The following SH3D19 variants were observed in gnomAD, a reference collection of about 807,000 sequenced individuals.
SH3D19 encodes the protein SH3 domain-containing protein 19.
Under a neutral mutation model 112.1 loss-of-function variants are expected in SH3D19, and 58 were observed. The ratio of observed to expected loss-of-function variants is 0.52; its 90% CI spans 0.42 to 0.64. The LOEUF is 0.64. Among genes scored for constraint, SH3D19 ranks in the 30% least tolerant of loss-of-function variants. The pLI, the probability that SH3D19 is intolerant of heterozygous loss-of-function variation, is 0.00. For synonymous variants in SH3D19, 391 were observed against 448.5 expected (o/e 0.87, Z 1.62); for missense variants, 1,090 against 1,263.4 (o/e 0.86, Z 2.08).
At chr4:151,260,810 T>C (rs1772319632) in intron 1 of SH3D19, among the ~76,000 whole-genome samples, 1 of 152,192 alleles carries the variant, frequency 6.6e-6, no homozygotes, top group Non-Finnish European at 1.5e-5. Flanking sequence ...CCTCAAGGCC[T>C]TGCATACTCT....
In SH3D19 at chr4:151,148,018, A is replaced by G; in HGVS notation, c.1986T>C (p.Thr662=). The part of the protein sequence containing the change: ...DLQKKQSNLA[T]GLSKAKSQVF... ...CTTGACTCTTGGCTTTTGAGAGTCCAGTTGCCAAGTTACTTTGTTTTTTCT... is the reference window on the plus strand; with the variant it reads ...CTTGACTCTTGGCTTTTGAGAGTCCGGTTGCCAAGTTACTTTGTTTTTTCT... Residue 662 remains threonine, a synonymous_variant, in exon 11 of 20, where the codon ACT becomes ACC. Coordinates refer to ENST00000604030, the MANE Select transcript of SH3D19 (RefSeq NM_001378122.1). 1.9e-6 allele frequency: 3 copies of G among 1,614,170 alleles called. No homozygotes were observed. The highest frequency in any genetic ancestry group is 1.7e-6 in the Non-Finnish European group (2 of 1,180,030).
At chr4:151,129,661 C>T (rs940190441) in intron 17 of SH3D19, among the ~76,000 whole-genome samples, 1 of 152,150 alleles carries the variant, frequency 6.6e-6, no homozygotes, top group Admixed American at 6.5e-5. Context: ...TGAGCCTCAG[C>T]GCCTGGCCGG....
intron 13 of SH3D19, among the ~76,000 whole-genome samples, chr4:151,138,686 TCACACACACACACA>T (rs1177218801): frequency 7.4e-5 from 4 of 54,104 alleles, no homozygotes; most frequent in East Asian, 1.3e-3. Context: ...AGATCTTGTC[TCACACACACACACA>T]CACACACACA....
Position 151,234,735 on chromosome 4 carries a change from GTTTTTTTTTTTTTTTTTT to G in SH3D19, c.113-8667_113-8650del, listed in dbSNP as rs541665981. Among the ~76,000 whole-genome samples, 6 of 25,078 alleles carry G rather than the reference GTTTTTTTTTTTTTTTTTT, an allele frequency of 2.4e-4. No homozygotes were observed. In the South Asian group the frequency reaches 7.2e-3, roughly 30 times the overall value. The allele number at this position is 25,078 out of a possible 152,430, so 16.5% of individuals were successfully genotyped here. A position where few individuals can be genotyped will look rare whatever the true frequency, so the allele number is the denominator to read the frequency against. Reference sequence around the variant, plus strand: ...GTTTTTGTTTTCTTTCCAAGTTTGTGTTTTTTTTTTTTTTTTTTTTTTTTTTTTTTTAGACAGGGGCTC... The same window carrying G: ...GTTTTTGTTTTCTTTCCAAGTTTGTGTTTTTTTTTTTTTAGACAGGGGCTC... On this transcript the variant is annotated intron_variant, in intron 1 of 19. Transcript: ENST00000604030.
At chr4:151,152,898 C>T (rs764218507) in intron 9 of SH3D19, among the ~76,000 whole-genome samples, 2 of 150,806 alleles carry the variant, frequency 1.3e-5, no homozygotes, top group South Asian at 2.1e-4. Context: ...TGTAGTGGCA[C>T]GATCTTGGCT....
intron 1 of SH3D19, among the ~76,000 whole-genome samples, chr4:151,236,699 T>G (rs1770081640): frequency 2.7e-5 from 4 of 149,650 alleles, no homozygotes; most frequent in Admixed American, 6.6e-5. Flanking sequence ...AGCTAAAGGT[T>G]TTGTAAATGT....
Position 151,237,845 on chromosome 4 carries a change from T to G in SH3D19, c.113-11759A>C, listed in dbSNP as rs776737725. ...ATTTCTTAATCTGCAGGATTTTTCT[T>G]TTTTATTACTGGTCAAGAGGACAGC... On this transcript the variant is annotated intron_variant, in intron 1 of 19. Transcript: ENST00000604030. 4.1e-4 allele frequency among the ~76,000 whole-genome samples: 63 copies of G among 152,328 alleles called. 1 individual carries two copies. Among genetic ancestry groups the G allele is most frequent in the Middle Eastern group, 3.4e-3 (1 of 294 alleles).
At chr4:151,297,148 G>A (rs1418766942) in intron 1 of SH3D19, among the ~76,000 whole-genome samples, 1 of 152,194 alleles carries the variant, frequency 6.6e-6, no homozygotes, top group African/African-American at 2.4e-5. Context: ...TCAGATTAAT[G>A]TATTCTCGGC....
chr4:151,226,568 A>G, intron 1 of SH3D19: 1 of 625,380 alleles, frequency 1.6e-6, no homozygotes, highest in Non-Finnish European at 2.0e-6. Context: ...TTAACTATCT[A>G]CCACCCAGAA....
At chr4:151,129,477 C>T (rs1750144873) in intron 17 of SH3D19, among the ~76,000 whole-genome samples, 1 of 152,194 alleles carries the variant, frequency 6.6e-6, no homozygotes, top group Non-Finnish European at 1.5e-5. Flanking sequence ...TCAAGCAATT[C>T]TCCTGCCTCA....
At chr4:151,282,075 T>C (rs760164225) in intron 1 of SH3D19, 211 of 1,498,870 alleles carry the variant, frequency 1.4e-4, no homozygotes, top group Non-Finnish European at 1.9e-4. Context: ...AGTAGAGACT[T>C]AGTGCTACAT....
At chr4:151,190,486 T>C (rs1580059015) in intron 2 of SH3D19, among the ~76,000 whole-genome samples, 1 of 152,084 alleles carries the variant, frequency 6.6e-6, no homozygotes, top group East Asian at 1.9e-4. Flanking sequence ...AGGCCCAGGG[T>C]CCCTCTGCTG....
intron 2 of SH3D19, among the ~76,000 whole-genome samples, chr4:151,196,670 T>C (rs895952358): frequency 5.3e-5 from 8 of 151,962 alleles, no homozygotes; most frequent in Admixed American, 5.2e-4. Context: ...CTAAAAAGCT[T>C]CTGCACAGCA....
chr4:151,323,171 G>T (rs1730719316), intron 1 of SH3D19, among the ~76,000 whole-genome samples: 1 of 152,160 alleles, frequency 6.6e-6, no homozygotes, highest in South Asian at 2.1e-4. Context: ...ATTTATCAGG[G>T]AGAGAAGGAA....
At chr4:151,292,811 T>C (rs1162863210) in intron 1 of SH3D19, among the ~76,000 whole-genome samples, 1 of 152,206 alleles carries the variant, frequency 6.6e-6, no homozygotes, top group Non-Finnish European at 1.5e-5. Flanking sequence ...TGACTTAAAG[T>C]AAGTACATTT....
chr4:151,129,471 G>A (rs554536685), intron 17 of SH3D19, among the ~76,000 whole-genome samples: 1 of 152,286 alleles, frequency 6.6e-6, no homozygotes, highest in South Asian at 2.1e-4. Context: ...CCGGGTTCAA[G>A]CAATTCTCCT....
chr4:151,273,589 CAAAAAAAAA>C (rs60600816), intron 1 of SH3D19, among the ~76,000 whole-genome samples: 8 of 64,648 alleles, frequency 1.2e-4, no homozygotes, highest in South Asian at 1.1e-3. Context: ...GACTCCATCT[CAAAAAAAAA>C]AAAAAAAAAA....
At chr4:151,153,146 T>TA (rs769625884) in intron 9 of SH3D19, among the ~76,000 whole-genome samples, 24 of 152,020 alleles carry the variant, frequency 1.6e-4, no homozygotes, top group Non-Finnish European at 7.4e-5. Flanking sequence ...TATATTTTTT[T>TA]AAAAAAACAG....
At chr4:151,182,956 A>G (rs1038487658) in intron 3 of SH3D19, among the ~76,000 whole-genome samples, 24 of 150,414 alleles carry the variant, frequency 1.6e-4, no homozygotes, top group Non-Finnish European at 3.1e-4. Context: ...AGTTAGAGTT[A>G]TCCTATCATT....
Sources: allele counts gnomAD v4.1 joint callset (sites outside exome capture counted in the v4.1 genomes callset), GRCh38; gene constraint gnomAD v4.1.1; transcripts MANE v1.5; gene names NCBI Gene and HGNC (gene_info 2026-07-23, HGNC 2026-07-21).